IRX5: variants seen among roughly 807,000 people sequenced by gnomAD.
IRX5 encodes the protein iroquois homeobox 5, also known as iroquois-class homeodomain protein IRX-5.
In IRX5, 8 loss-of-function variants were observed where a neutral mutation model predicts 37.6. The observed-to-expected ratio is 0.21, with a 90% CI of 0.12 to 0.38. The LOEUF is 0.38. Among genes scored for constraint, IRX5 ranks in the 10% least tolerant of loss-of-function variants. The pLI, the probability that IRX5 is intolerant of heterozygous loss-of-function variation, is 1.00. For synonymous variants in IRX5, 359 were observed against 328.6 expected (o/e 1.09, Z -1.00); for missense variants, 635 against 695.2 (o/e 0.91, Z 0.97).
rs1372251771 is a variant in IRX5, at chr16:54,934,404, A to C, written c.*531A>C. ...CGCCTTTGTAAAATGCAAAATATTT[A>C]ATTAAAAGAGATTTTAACATAATGA... On this transcript the variant is annotated 3_prime_UTR_variant, in exon 3 of 3. Coordinates refer to ENST00000394636, the MANE Select transcript of IRX5 (RefSeq NM_005853.6). 6.5e-6 allele frequency: 1 copy of C among 152,684 alleles called. No individual in the cohort carries two copies. The highest frequency in any genetic ancestry group is 1.5e-5 in the Non-Finnish European group (1 of 68,052). 9.5% of individuals were successfully genotyped at this position (152,684 alleles called of 1,614,324 possible).
rs866379482 is a variant in IRX5, at chr16:54,932,563, C to T, written c.315C>T (p.Pro105=). 1.2e-6 allele frequency: 2 copies of T among 1,614,076 alleles called. No homozygotes were observed. The highest frequency in any genetic ancestry group is 1.7e-6 in the Non-Finnish European group (2 of 1,180,006). Residue 105 remains proline, a synonymous_variant, in exon 2 of 3, where the codon CCC becomes CCT. Coordinates refer to ENST00000394636, the MANE Select transcript of IRX5 (RefSeq NM_005853.6). The surrounding 1 kb of genome is among the most constrained non-coding windows in gnomAD (Gnocchi z 6.7). ...TGGGGTACCATCCTTACGCGGCGCC[C>T]CTGGGATCGTACCCTTACGGGGACC... The part of the protein sequence containing the change: ...GSLGYHPYAA[P]LGSYPYGDPA...
intron 1 of IRX5, among the ~76,000 whole-genome samples, chr16:54,931,734 C>T (rs1242575674): frequency 6.6e-6 from 1 of 152,188 alleles, no homozygotes. Context: ...ACGTAAGCTC[C>T]GGGCTGCCCT....
Position 54,933,555 on chromosome 16 carries a change from G to T in IRX5, c.1134G>T (p.Pro378=). 1 of 1,607,684 alleles carries T rather than the reference G, an allele frequency of 6.2e-7. No individual in the cohort carries two copies. Among genetic ancestry groups the T allele is most frequent in the Non-Finnish European group, 8.5e-7 (1 of 1,176,940 alleles). The part of the protein sequence containing the change: ...GQALGGSRAS[P]APAPSRSPSA... ...CCCTAGGAGGCAGCCGGGCGTCGCCGGCCCCGGCGCCGTCACGCTCGCCCT... is the reference window on the plus strand; with the variant it reads ...CCCTAGGAGGCAGCCGGGCGTCGCCTGCCCCGGCGCCGTCACGCTCGCCCT... Residue 378 remains proline (P), a synonymous_variant, in exon 3 of 3, where the codon CCG becomes CCT. Transcript: ENST00000394636.
chr16:54,931,574 C>G, intron 1 of IRX5, 127 bp downstream of exon 1: 2 of 1,300,050 alleles, frequency 1.5e-6, no homozygotes, highest in Non-Finnish European at 1.0e-6. Context: ...CCCCTTCAAA[C>G]TTGGGCGATT....
chr16:54,932,409 C>T lies in IRX5; in HGVS notation c.250-89C>T, dbSNP rs781582801. The T allele has an allele frequency of 6.8e-7, 1 of 1,460,640 alleles. No individual in the cohort carries two copies. The highest frequency in any genetic ancestry group is 2.1e-5 in the Admixed American group (1 of 46,732). The allele number at this position is 1,460,640 out of a possible 1,614,324, so 90.5% of individuals were successfully genotyped here. On this transcript the variant is annotated intron_variant, in intron 1 of 2. Transcript: ENST00000394636. This position sits in a 1 kb window ranked among gnomAD's most constrained non-coding sequence, Gnocchi z 6.7. ...TGCGGGCCTCGTCCACCCACAGACC[C>T]CGGGGAGCGCAGGGAAAAGGGTGCT...
In IRX5 at chr16:54,931,297, G is replaced by C. The variant is rs745416388; in HGVS notation, c.99G>C (p.Thr33=). The C allele has an allele frequency of 1.1e-5, 18 of 1,612,452 alleles. No homozygotes were observed. Among genetic ancestry groups the C allele is most frequent in the Middle Eastern group, 1.7e-4 (1 of 6,030 alleles). The change falls in exon 1 of 3, where the codon ACG becomes ACC. Residue 33 remains threonine (T), a synonymous_variant. Transcript: ENST00000394636. The part of the protein sequence containing the change: ...YSTSVISGPR[T]DELGRSSSGS... ...CCAGCGTCATTTCGGGGCCCCGCAC[G>C]GATGAGCTCGGCCGCTCTTCTTCGG...
Position 54,932,477 on chromosome 16 carries a change from C to T in IRX5, c.250-21C>T, listed in dbSNP as rs554632974. On this transcript the variant is annotated intron_variant, in intron 1 of 2. Coordinates refer to ENST00000394636, the MANE Select transcript of IRX5 (RefSeq NM_005853.6). The surrounding 1 kb of genome is among the most constrained non-coding windows in gnomAD (Gnocchi z 6.7). ...AGTGGAGACCACGGTCCACACTCAC[C>T]TCTCTGCGTCTCCACCGCAGGGCTC... is the stretch of plus-strand genomic sequence containing the variant. The T allele has an allele frequency of 6.3e-7, 1 of 1,590,622 alleles. No homozygotes were observed. The highest frequency in any genetic ancestry group is 8.6e-7 in the Non-Finnish European group (1 of 1,167,166).
chr16:54,933,209 C>G lies in IRX5; in HGVS notation c.788C>G (p.Ala263Gly). Residue 263 changes from alanine (A) to glycine (G), a missense_variant, in exon 3 of 3, where the codon GCG (alanine) becomes GGG (glycine). By Grantham distance (60) the Ala-to-Gly change is moderately conservative. Transcript: ENST00000394636. The stretch of plus-strand genomic sequence containing the variant: ...CCGCCCTCGGAGGGCCGCCTCGACG[C>G]GCTGCAGGGCCCCCCCCGCACCGGC... ...KEPPSEGRLD[A>G]LQGPPRTGGP... 1 of 1,526,244 alleles carries G rather than the reference C, an allele frequency of 6.6e-7. No homozygotes were observed. Among genetic ancestry groups the G allele is most frequent in the Non-Finnish European group, 8.7e-7 (1 of 1,143,654 alleles). 94.5% of individuals were successfully genotyped at this position (1,526,244 alleles called of 1,614,324 possible).
rs1358521959 is a variant in IRX5 at position 54,933,717 on chromosome 16, A to C, written c.1296A>C (p.Thr432=). ...ACCCGGGGCCCGGGCCAGGCCCCAC[A>C]ACCGGTCCGGGGTCTCATTTCAATG... ...HGHPGPGPGP[T]TGPGSHFNGL... The change falls in exon 3 of 3, where the codon ACA becomes ACC. Residue 432 remains threonine (T), a synonymous_variant. Coordinates refer to ENST00000394636, the MANE Select transcript of IRX5 (RefSeq NM_005853.6). 3 of 1,613,850 alleles carry C rather than the reference A, an allele frequency of 1.9e-6. No individual in the cohort carries two copies. The African/African-American group carries it at 4.0e-5, about 22-fold the overall frequency.
Position 54,933,152 on chromosome 16 carries a change from AG to A in IRX5, c.734del (p.Gly245AlafsTer122). 6.3e-7 allele frequency: 1 copy of A among 1,579,330 alleles called. No homozygotes were observed. The highest frequency in any genetic ancestry group is 8.5e-7 in the Non-Finnish European group (1 of 1,170,200). On this transcript the variant is annotated frameshift_variant, in exon 3 of 3. Coordinates refer to ENST00000394636, the MANE Select transcript of IRX5 (RefSeq NM_005853.6). LOFTEE classifies it high-confidence loss of function. ...CCCACCCCTGCAGGCAAGGAGACGG[AG>A]GGCAGCCTCAGCGACTCGGATTTTA... ...GPPTPAGKET[E>X]GSLSDSDFKE...
In IRX5 at chr16:54,932,390, C is replaced by A. The variant is rs1035364990; in HGVS notation, c.250-108C>A. The A allele has an allele frequency of 7.7e-7, 1 of 1,297,840 alleles. No homozygotes were observed. The highest frequency in any genetic ancestry group is 1.0e-6 in the Non-Finnish European group (1 of 955,468). The allele number at this position is 1,297,840 out of a possible 1,614,324, so 80.4% of individuals were successfully genotyped here. Reference sequence around the variant, plus strand: ...GCCCCGTAGGAAGCTGGAGTGCGGGCCTCGTCCACCCACAGACCCCGGGGA... The same window carrying A: ...GCCCCGTAGGAAGCTGGAGTGCGGGACTCGTCCACCCACAGACCCCGGGGA... On this transcript the variant is annotated intron_variant, in intron 1 of 2. Coordinates refer to ENST00000394636, the MANE Select transcript of IRX5 (RefSeq NM_005853.6). This position sits in a 1 kb window ranked among gnomAD's most constrained non-coding sequence, Gnocchi z 6.7.
At position 54,932,340 on chromosome 16, in the gene IRX5, C is replaced by T; in HGVS notation, c.250-158C>T. 2.2e-5 allele frequency: 18 copies of T among 823,638 alleles called. 1 individual carries two copies. The highest frequency in any genetic ancestry group is 5.3e-5 in the East Asian group (2 of 37,396). The allele number at this position is 823,638 out of a possible 1,614,324, so 51.0% of individuals were successfully genotyped here. A position where few individuals can be genotyped will look rare whatever the true frequency, so the allele number is the denominator to read the frequency against. ...CTTCTGAGGAGGGGGAGGAGTTGCT[C>T]CTAGGTCTGAACCCCGCCAGCCTTG... On this transcript the variant is annotated intron_variant, in intron 1 of 2. Coordinates refer to ENST00000394636, the MANE Select transcript of IRX5 (RefSeq NM_005853.6). This position sits in a 1 kb window ranked among gnomAD's most constrained non-coding sequence, Gnocchi z 6.7.
intron 1 of IRX5, 25 bp downstream of exon 1, chr16:54,931,472 G>C: frequency 6.5e-7 from 1 of 1,532,054 alleles, no homozygotes; most frequent in Non-Finnish European, 8.7e-7. Flanking sequence ...TCCGCGGCGG[G>C]CGAGGGGCAG....
At chr16:54,931,529 G>C in intron 1 of IRX5, 82 bp downstream of exon 1, 1 of 1,424,840 alleles carries the variant, frequency 7.0e-7, no homozygotes, top group Non-Finnish European at 9.2e-7. Context: ...ACGGGCCTAG[G>C]CGCCAACACC....
Position 54,931,214 on chromosome 16 carries a change from G to A in IRX5, c.16G>A (p.Gly6Ser). The A allele has an allele frequency of 1.2e-6, 2 of 1,610,174 alleles. No homozygotes were observed. The highest frequency in any genetic ancestry group is 1.7e-6 in the Non-Finnish European group (2 of 1,178,804). The change falls in exon 1 of 3, where the codon GGC becomes AGC. Residue 6 changes from glycine (G) to serine (S), a missense_variant. By Grantham distance (56) the Gly-to-Ser change is moderately conservative (BLOSUM62 0). This residue lies in a region of IRX5 where 145 missense variants were observed against 152.4 expected (regional missense o/e 0.95). Transcript: ENST00000394636. ...GTGTGTGGCCATGTCCTATCCGCAG[G>A]GCTACTTGTACCAGCCGTCCGCCTC... Reference protein sequence around the residue: MSYPQGYLYQPSASLA... With the variant: MSYPQSYLYQPSASLA...
chr16:54,931,098 C>A lies in IRX5; in HGVS notation c.-101C>A. On this transcript the variant is annotated 5_prime_UTR_variant, in exon 1 of 3. Transcript: ENST00000394636. ...AGCCGGGGCCAGAGGAGCGGCGGCCCAGGGCAGCCAGAGGCCAGGTGCCCG... is the reference window on the plus strand; with the variant it reads ...AGCCGGGGCCAGAGGAGCGGCGGCCAAGGGCAGCCAGAGGCCAGGTGCCCG... The A allele has an allele frequency of 1.1e-6, 1 of 935,706 alleles. No individual in the cohort carries two copies. Among genetic ancestry groups the A allele is most frequent in the Non-Finnish European group, 1.3e-6 (1 of 750,198 alleles). The allele number at this position is 935,706 out of a possible 1,614,324, so 58.0% of individuals were successfully genotyped here.
chr16:54,932,466 T>C lies in IRX5; in HGVS notation c.250-32T>C, dbSNP rs1567390496. On this transcript the variant is annotated intron_variant, in intron 1 of 2. Transcript: ENST00000394636. This position sits in a 1 kb window ranked among gnomAD's most constrained non-coding sequence, Gnocchi z 6.7. ...GTTCCGATGGCAGTGGAGACCACGG[T>C]CCACACTCACCTCTCTGCGTCTCCA... is the stretch of plus-strand genomic sequence containing the variant. 1 of 1,578,174 alleles carries C rather than the reference T, an allele frequency of 6.3e-7. No individual in the cohort carries two copies. Among genetic ancestry groups the C allele is most frequent in the Non-Finnish European group, 8.6e-7 (1 of 1,160,996 alleles).
Position 54,931,326 on chromosome 16 carries a change from C to T in IRX5, c.128C>T (p.Ser43Phe), listed in dbSNP as rs200623174. 1.2e-6 allele frequency: 2 copies of T among 1,611,660 alleles called. No homozygotes were observed. The highest frequency in any genetic ancestry group is 1.7e-6 in the Non-Finnish European group (2 of 1,179,632). ...TDELGRSSSG[S>F]AFSPYAGSTA... The stretch of plus-strand genomic sequence containing the variant: ...GAGCTCGGCCGCTCTTCTTCGGGCT[C>T]CGCGTTCTCGCCCTACGCTGGCTCG... The change falls in exon 1 of 3, where the codon TCC becomes TTC. Residue 43 changes from serine to phenylalanine, a missense_variant. Coordinates refer to ENST00000394636, the MANE Select transcript of IRX5 (RefSeq NM_005853.6).
chr16:54,933,927 C>G lies in IRX5; in HGVS notation c.*54C>G. 1 of 1,477,366 alleles carries G rather than the reference C, an allele frequency of 6.8e-7. No homozygotes were observed. The highest frequency in any genetic ancestry group is 9.0e-7 in the Non-Finnish European group (1 of 1,112,082). 91.5% of individuals were successfully genotyped at this position (1,477,366 alleles called of 1,614,324 possible). A position where few individuals can be genotyped will look rare whatever the true frequency, so the allele number is the denominator to read the frequency against. On this transcript the variant is annotated 3_prime_UTR_variant, in exon 3 of 3. Coordinates refer to ENST00000394636, the MANE Select transcript of IRX5 (RefSeq NM_005853.6). ...TAATTTATTAAAAACATGGCCTTGGCAGTTATTTTTCCATCACCGAGAGAG... is the reference window on the plus strand; with the variant it reads ...TAATTTATTAAAAACATGGCCTTGGGAGTTATTTTTCCATCACCGAGAGAG...
Sources: allele counts gnomAD v4.1 joint callset (sites outside exome capture counted in the v4.1 genomes callset), GRCh38; gene constraint gnomAD v4.1.1; regional missense constraint gnomAD v4.1.1; non-coding constraint Gnocchi (gnomAD v3.1); transcripts MANE v1.5; gene names NCBI Gene and HGNC (gene_info 2026-07-23, HGNC 2026-07-21).